Variants in MND1 observed in about 807,000 individuals in gnomAD.
MND1 encodes meiotic nuclear division protein 1 homolog.
Under a neutral mutation model 35.1 loss-of-function variants are expected in MND1, and 28 were observed. The observed-to-expected ratio is 0.80, with a 90% CI of 0.59 to 1.09. The LOEUF (loss-of-function observed/expected upper bound fraction) is 1.09, where lower values mean the gene tolerates loss of function less well. Among genes scored for constraint, MND1 ranks in the 50% least tolerant of loss-of-function variants. The pLI, the probability that MND1 is intolerant of heterozygous loss-of-function variation, is 0.00. For synonymous variants in MND1, 69 were observed against 70.5 expected, an observed-to-expected ratio of 0.98 and a Z score of 0.11; for missense variants, 213 against 239.6, an observed-to-expected ratio of 0.89 and a Z score of 0.73.
chr4:153,371,763 T>C (rs1561063737), intron 4 of MND1, among the ~76,000 whole-genome samples: 1 of 152,146 alleles, frequency 6.6e-6, no homozygotes, highest in Non-Finnish European at 1.5e-5. Flanking sequence ...ATTAGCACTT[T>C]TAATTTCTTT....
At chr4:153,391,659 G>A (rs368735440) in intron 4 of MND1, among the ~76,000 whole-genome samples, 6 of 151,284 alleles carry the variant, frequency 4.0e-5, no homozygotes, top group Admixed American at 6.6e-5. Context: ...CCTGGGAGGC[G>A]GAGGTTACAG....
At chr4:153,377,483 G>A (rs1178703067) in intron 4 of MND1, among the ~76,000 whole-genome samples, 3 of 152,172 alleles carry the variant, frequency 2.0e-5, no homozygotes, top group Non-Finnish European at 4.4e-5. Flanking sequence ...CAGGCATTGT[G>A]ATTGATGAGA....
chr4:153,375,531 G>A (rs1332697571), intron 4 of MND1, among the ~76,000 whole-genome samples: 1 of 151,960 alleles, frequency 6.6e-6, no homozygotes, highest in Non-Finnish European at 1.5e-5. Context: ...TGACCAGCTT[G>A]GAAAAGATAT....
At chr4:153,372,576 T>G (rs1438897373) in intron 4 of MND1, among the ~76,000 whole-genome samples, 1 of 152,108 alleles carries the variant, frequency 6.6e-6, no homozygotes, top group African/African-American at 2.4e-5. Flanking sequence ...TAAAAGTTTT[T>G]TTAATTCCCC....
intron 2 of MND1, among the ~76,000 whole-genome samples, chr4:153,354,211 C>T (rs938325197): frequency 3.3e-5 from 5 of 152,016 alleles, no homozygotes; most frequent in Admixed American, 6.5e-5. Context: ...TTTTGCTTTG[C>T]ATGTGGTAGA....
intron 3 of MND1, among the ~76,000 whole-genome samples, chr4:153,357,719 A>G (rs1375518833): frequency 1.3e-5 from 2 of 152,198 alleles, no homozygotes; most frequent in Non-Finnish European, 2.9e-5. Flanking sequence ...TGGAATCTCA[A>G]CTGTATCTTG....
intron 4 of MND1, among the ~76,000 whole-genome samples, chr4:153,390,841 C>CAA (rs1191880498): frequency 1.5e-5 from 2 of 137,862 alleles, no homozygotes; most frequent in African/African-American, 5.4e-5. Flanking sequence ...AAAAACAAAA[C>CAA]AAAACAAAAA....
intron 1 of MND1, 109 bp downstream of exon 1, chr4:153,344,849 C>G: frequency 6.6e-7 from 1 of 1,504,866 alleles, no homozygotes; most frequent in South Asian, 1.2e-5. Context: ...CATTCCGGGC[C>G]GCGGGAGCGG....
chr4:153,381,344 A>G (rs1027285805), intron 4 of MND1, among the ~76,000 whole-genome samples: 3 of 151,924 alleles, frequency 2.0e-5, no homozygotes, highest in African/African-American at 4.8e-5. Flanking sequence ...CCCTACAGCT[A>G]TAGAATTCCC....
chr4:153,351,262 G>A (rs537149436), intron 2 of MND1, among the ~76,000 whole-genome samples: 1 of 152,226 alleles, frequency 6.6e-6, no homozygotes, highest in South Asian at 2.1e-4. Context: ...AAAATTGGCT[G>A]TTTCTAACTG....
chr4:153,367,809 T>C (rs1773693964), intron 4 of MND1, among the ~76,000 whole-genome samples: 2 of 152,162 alleles, frequency 1.3e-5, no homozygotes, highest in South Asian at 4.2e-4. Context: ...CTGATAACAG[T>C]GTGTTAGGGC....
intron 1 of MND1, among the ~76,000 whole-genome samples, chr4:153,349,750 T>C (rs1177742344): frequency 1.3e-5 from 2 of 152,244 alleles, no homozygotes; most frequent in Non-Finnish European, 2.9e-5. Flanking sequence ...TATAAATAGT[T>C]GCATCTATAT....
At chr4:153,382,823 A>G (rs1275057592) in intron 4 of MND1, among the ~76,000 whole-genome samples, 1 of 152,160 alleles carries the variant, frequency 6.6e-6, no homozygotes, top group Non-Finnish European at 1.5e-5. Flanking sequence ...TATTTTCATT[A>G]GAAATTTCAA....
chr4:153,354,733 C>T (rs967419334), intron 2 of MND1, among the ~76,000 whole-genome samples: 2 of 152,110 alleles, frequency 1.3e-5, no homozygotes, highest in African/African-American at 4.8e-5. Context: ...GGCCAGTCTC[C>T]AGCTCTTGAG....
At chr4:153,369,108 C>G (rs2149639451) in intron 4 of MND1, among the ~76,000 whole-genome samples, 1 of 152,252 alleles carries the variant, frequency 6.6e-6, no homozygotes, top group South Asian at 2.1e-4. Context: ...GGATTTAGTT[C>G]CTTGCAGGGT....
At chr4:153,356,790 A>T (rs77028787) in intron 3 of MND1, among the ~76,000 whole-genome samples, 2,611 of 150,474 alleles carry the variant, frequency 0.017, 69 homozygotes, top group African/African-American at 0.058. Flanking sequence ...ATTTTATTTT[A>T]TTTATTTATT....
intron 4 of MND1, among the ~76,000 whole-genome samples, chr4:153,383,245 A>T (rs1228040681): frequency 1.3e-5 from 2 of 152,194 alleles, no homozygotes; most frequent in Non-Finnish European, 2.9e-5. Flanking sequence ...CCTAACGGAG[A>T]GTCTGTGTAC....
At chr4:153,357,385 A>T (rs965716923) in intron 3 of MND1, among the ~76,000 whole-genome samples, 6 of 152,218 alleles carry the variant, frequency 3.9e-5, no homozygotes, top group Non-Finnish European at 4.4e-5. Flanking sequence ...CAAGATTGGG[A>T]TACCAATCCC....
At chr4:153,367,159 A>G (rs1773658042) in intron 4 of MND1, among the ~76,000 whole-genome samples, 1 of 152,188 alleles carries the variant, frequency 6.6e-6, no homozygotes, top group Admixed American at 6.5e-5. Flanking sequence ...TTTATATACC[A>G]TATAATTCAC....
Sources: allele counts gnomAD v4.1 joint callset (sites outside exome capture counted in the v4.1 genomes callset), GRCh38; gene constraint gnomAD v4.1.1; transcripts MANE v1.5; gene names NCBI Gene and HGNC (gene_info 2026-07-23, HGNC 2026-07-21).